CNGB3: variants seen among roughly 807,000 people sequenced by gnomAD.
CNGB3 encodes cyclic nucleotide-gated channel beta-3.
In CNGB3, 86 loss-of-function variants were observed where a neutral mutation model predicts 92.8. The ratio of observed to expected loss-of-function variants is 0.93; its 90% CI spans 0.78 to 1.11. The LOEUF (loss-of-function observed/expected upper bound fraction) is 1.11. CNGB3 is among the 50% of genes least tolerant of loss of function. The probability of loss-of-function intolerance (pLI) is 0.00; values close to 1 mark genes in which losing one functional copy is unlikely to be tolerated. For synonymous variants in CNGB3, 333 were observed against 332.7 expected, an observed-to-expected ratio of 1.00 and a Z score of -0.01; for missense variants, 1,026 against 956.8, an observed-to-expected ratio of 1.07 and a Z score of -0.95.
intron 6 of CNGB3, among the ~76,000 whole-genome samples, chr8:86,656,000 T>C (rs1823499195): frequency 6.6e-6 from 1 of 152,216 alleles, no homozygotes; most frequent in Admixed American, 6.5e-5. Context: ...TGTTAAAGAT[T>C]GGTTAGTCAA....
intron 3 of CNGB3, among the ~76,000 whole-genome samples, chr8:86,716,641 G>C (rs1161381934): frequency 6.6e-6 from 1 of 152,076 alleles, no homozygotes; most frequent in African/African-American, 2.4e-5. Context: ...AAGAAGGAAA[G>C]AGACAGTCTT....
At chr8:86,628,194 T>C (rs574238524) in intron 12 of CNGB3, among the ~76,000 whole-genome samples, 1 of 152,300 alleles carries the variant, frequency 6.6e-6, no homozygotes, top group South Asian at 2.1e-4. Context: ...TGAGACAGAA[T>C]CTGGCTCTGT....
intron 2 of CNGB3, among the ~76,000 whole-genome samples, chr8:86,737,552 A>G (rs758684317): frequency 1.1e-3 from 167 of 152,294 alleles, no homozygotes; most frequent in Non-Finnish European, 1.8e-3. Context: ...TTAAAGTAAG[A>G]TGGTACTGGA....
intron 15 of CNGB3, among the ~76,000 whole-genome samples, chr8:86,600,026 C>A (rs1033641689): frequency 6.6e-6 from 1 of 152,136 alleles, no homozygotes; most frequent in Non-Finnish European, 1.5e-5. Context: ...CCCCTGGACA[C>A]CCAACTTTAA....
chr8:86,589,848 A>G (rs1036716682), intron 15 of CNGB3, among the ~76,000 whole-genome samples: 3 of 151,926 alleles, frequency 2.0e-5, no homozygotes, highest in Non-Finnish European at 4.4e-5. Flanking sequence ...GTAGATGTCT[A>G]TTGGGTCTGC....
intron 3 of CNGB3, among the ~76,000 whole-genome samples, chr8:86,687,989 G>T (rs1451087687): frequency 6.6e-6 from 1 of 151,958 alleles, no homozygotes; most frequent in African/African-American, 2.4e-5. Context: ...GACATTCACA[G>T]TGAGTAATAA....
intron 3 of CNGB3, among the ~76,000 whole-genome samples, chr8:86,702,193 C>T (rs1824570156): frequency 6.6e-6 from 1 of 152,166 alleles, no homozygotes; most frequent in Admixed American, 6.6e-5. Context: ...CTAGAGGCAA[C>T]TGTCTTGTGG....
chr8:86,615,643 T>G (rs1585970999), intron 13 of CNGB3, among the ~76,000 whole-genome samples: 1 of 151,932 alleles, frequency 6.6e-6, no homozygotes, highest in Non-Finnish European at 1.5e-5. Context: ...AAATAAAGAT[T>G]AAAATAAACT....
At chr8:86,669,501 A>T (rs949463490) in intron 4 of CNGB3, among the ~76,000 whole-genome samples, 1 of 152,220 alleles carries the variant, frequency 6.6e-6, no homozygotes, top group African/African-American at 2.4e-5. Context: ...CAGAGATCCG[A>T]AACACTGCAA....
chr8:86,606,882 C>A (rs1822422468), intron 14 of CNGB3, among the ~76,000 whole-genome samples: 1 of 152,184 alleles, frequency 6.6e-6, no homozygotes, highest in African/African-American at 2.4e-5. Flanking sequence ...CAGACCACAT[C>A]TAACGGTGAC....
intron 1 of CNGB3, among the ~76,000 whole-genome samples, chr8:86,741,841 T>C (rs776045082): frequency 3.9e-5 from 6 of 152,176 alleles, no homozygotes; most frequent in Non-Finnish European, 7.4e-5. Context: ...TTTAAGAAGT[T>C]TCTCTTCTTT....
At position 86,575,410 on chromosome 8, in the gene CNGB3, G is replaced by A. The variant is rs1470151267; in HGVS notation, c.*394C>T. 1.2e-5 allele frequency: 2 copies of A among 166,308 alleles called. No individual in the cohort carries two copies. The highest frequency in any genetic ancestry group is 2.6e-5 in the Non-Finnish European group (2 of 77,760). The allele number at this position is 166,308 out of a possible 1,614,324, so 10.3% of individuals were successfully genotyped here. ...TTCATAAACCTAGAACAATTAGCCA[G>A]GCTTTAGAGTGCCAAAGAAGAAATT... On this transcript the variant is annotated 3_prime_UTR_variant, in exon 18 of 18. Coordinates refer to ENST00000320005, the MANE Select transcript of CNGB3 (RefSeq NM_019098.5).
At chr8:86,700,823 A>G (rs1028250725) in intron 3 of CNGB3, among the ~76,000 whole-genome samples, 3 of 152,076 alleles carry the variant, frequency 2.0e-5, no homozygotes, top group Non-Finnish European at 4.4e-5. Context: ...TTTTGTATTT[A>G]GAGACAGAGT....
At chr8:86,595,329 C>T (rs1386428456) in intron 15 of CNGB3, among the ~76,000 whole-genome samples, 1 of 152,222 alleles carries the variant, frequency 6.6e-6, no homozygotes, top group Non-Finnish European at 1.5e-5. Context: ...TTCCTCTCTG[C>T]TCTTCCAAAT....
chr8:86,600,614 CTTT>C (rs559441292), intron 15 of CNGB3, among the ~76,000 whole-genome samples: 1 of 135,440 alleles, frequency 7.4e-6, no homozygotes. Context: ...TTTTTTTTTT[CTTT>C]TTTTTTTTTT....
At chr8:86,645,885 T>A (rs192236101) in intron 8 of CNGB3, among the ~76,000 whole-genome samples, 37 of 151,256 alleles carry the variant, frequency 2.4e-4, no homozygotes, top group Admixed American at 6.6e-4. Context: ...CTTGGAGACA[T>A]ATAGATGATA....
intron 3 of CNGB3, among the ~76,000 whole-genome samples, chr8:86,693,617 G>C (rs1320776427): frequency 6.7e-6 from 1 of 150,170 alleles, no homozygotes; most frequent in East Asian, 2.0e-4. Context: ...TGTGTCCCTG[G>C]GTACTTAAGA....
intron 15 of CNGB3, among the ~76,000 whole-genome samples, chr8:86,581,442 A>G (rs919743435): frequency 6.6e-6 from 1 of 152,194 alleles, no homozygotes; most frequent in African/African-American, 2.4e-5. Flanking sequence ...GAGCCAAGGA[A>G]GATCCCCTCT....
chr8:86,621,868 T>C (rs929705158), intron 13 of CNGB3, among the ~76,000 whole-genome samples: 3 of 152,056 alleles, frequency 2.0e-5, no homozygotes, highest in African/African-American at 7.2e-5. Context: ...ATTAAGACCA[T>C]CCTGGCCAAC....
Sources: gnomAD v4.1 joint callset for allele counts (sites outside exome capture counted in the v4.1 genomes callset) on GRCh38, gnomAD v4.1.1 for gene constraint, MANE v1.5 for transcripts, NCBI Gene and HGNC (gene_info 2026-07-23, HGNC 2026-07-21) for gene names.